Variants in GARIN3 observed in about 807,000 individuals in gnomAD.
GARIN3 encodes golgi associated RAB2 interactor family member 3, also known as Golgi-associated RAB2 interactor protein 3.
chr5:157,165,895 G>A, the GARIN3 span: 1 of 1,614,170 alleles, frequency 6.2e-7, no homozygotes, highest in Non-Finnish European at 8.5e-7. Context: ...ATTTTAGTTG[G>A]TTGGGCCAGA....
the GARIN3 span, chr5:157,163,619 C>T: frequency 6.2e-7 from 1 of 1,614,074 alleles, no homozygotes; most frequent in Non-Finnish European, 8.5e-7. Context: ...TTGTAGAGCC[C>T]AGTCTCACTC....
At chr5:157,163,024 C>T in the GARIN3 span, 3 of 1,614,260 alleles carry the variant, frequency 1.9e-6, no homozygotes, top group African/African-American at 1.3e-5. Flanking sequence ...AACTTTCTGG[C>T]TTCCATCTCG....
chr5:157,162,258 A>G, the GARIN3 span: 37 of 845,170 alleles, frequency 4.4e-5, no homozygotes, highest in Non-Finnish European at 6.5e-5. Context: ...CAGCTGTAGC[A>G]TAGCCACCAT....
chr5:157,163,778 G>A, the GARIN3 span: 67 of 1,341,414 alleles, frequency 5.0e-5, no homozygotes, highest in East Asian at 1.2e-4. Flanking sequence ...AACCTGGGTC[G>A]GGTGTGGTGG....
the GARIN3 span, chr5:157,163,075 G>A: frequency 6.2e-7 from 1 of 1,614,104 alleles, no homozygotes; most frequent in African/African-American, 1.3e-5. Context: ...GGAGATGAGG[G>A]GTCCCACTGC....
At chr5:157,162,298 G>T in the GARIN3 span, 2 of 1,225,432 alleles carry the variant, frequency 1.6e-6, no homozygotes, top group Non-Finnish European at 2.3e-6. Flanking sequence ...TCACCACCAG[G>T]CTATGGGCAG....
the GARIN3 span, chr5:157,165,510 A>G: frequency 6.5e-7 from 1 of 1,549,708 alleles, no homozygotes; most frequent in East Asian, 2.3e-5. Flanking sequence ...ACTGGCTTTG[A>G]ACTGCTCCCC....
At chr5:157,162,204 G>A in the GARIN3 span, 16 of 563,608 alleles carry the variant, frequency 2.8e-5, no homozygotes, top group African/African-American at 9.5e-5. Flanking sequence ...TCTGCTGGCC[G>A]TGGGCGGGTG....
chr5:157,165,204 C>T, the GARIN3 span, among the ~76,000 whole-genome samples: 1 of 152,222 alleles, frequency 6.6e-6, no homozygotes, highest in East Asian at 1.9e-4. Context: ...GCTACACCTA[C>T]ACCCCTTAAA....
chr5:157,162,796 C>T, the GARIN3 span: 11 of 1,614,094 alleles, frequency 6.8e-6, no homozygotes, highest in African/African-American at 1.5e-4. Context: ...ATGTCGCTTG[C>T]CCCTTACGTT....
the GARIN3 span, among the ~76,000 whole-genome samples, chr5:157,164,426 A>G: frequency 0.15 from 22,431 of 152,098 alleles, 1,991 homozygotes; most frequent in African/African-American, 0.24. Flanking sequence ...TGCTGGGTTA[A>G]CAAGCATGAG....
the GARIN3 span, chr5:157,163,505 T>G: frequency 6.2e-7 from 1 of 1,614,114 alleles, no homozygotes; most frequent in Non-Finnish European, 8.5e-7. Flanking sequence ...GCCCCTGGAG[T>G]GCTCGTGGAT....
At chr5:157,165,995 T>C in the GARIN3 span, 1 of 1,614,162 alleles carries the variant, frequency 6.2e-7, no homozygotes, top group Middle Eastern at 1.6e-4. Context: ...CAATCACCTC[T>C]CCCTTTTTGT....
At chr5:157,162,717 C>A in the GARIN3 span, 4 of 1,614,126 alleles carry the variant, frequency 2.5e-6, no homozygotes, top group Non-Finnish European at 3.4e-6. Context: ...ATTGGTTCTT[C>A]CCCAGTTCCT....
chr5:157,164,848 T>TAA, the GARIN3 span, among the ~76,000 whole-genome samples: 1,260 of 145,802 alleles, frequency 8.6e-3, 24 homozygotes, highest in African/African-American at 0.03. Context: ...TCATCTCCAC[T>TAA]AAAAAAAAAA....
At chr5:157,165,577 T>G in the GARIN3 span, 1 of 1,610,708 alleles carries the variant, frequency 6.2e-7, no homozygotes, top group Non-Finnish European at 8.5e-7. Context: ...AGGCTTTTGT[T>G]GTCTTCGGGT....
the GARIN3 span, chr5:157,162,090 C>T: frequency 1.1e-5 from 3 of 279,782 alleles, no homozygotes; most frequent in East Asian, 8.5e-5. Context: ...GGAGAATGGG[C>T]GAGGGGACAT....
the GARIN3 span, among the ~76,000 whole-genome samples, chr5:157,164,316 A>AT: frequency 6.6e-6 from 1 of 151,808 alleles, no homozygotes; most frequent in Non-Finnish European, 1.5e-5. Flanking sequence ...TACCTGGCTA[A>AT]TTTTTTTGTA....
chr5:157,162,589 T>C, the GARIN3 span: 1 of 1,614,202 alleles, frequency 6.2e-7, no homozygotes, highest in Non-Finnish European at 8.5e-7. Flanking sequence ...AGCCACGATA[T>C]CTACCTCTCT....
Sources: allele counts gnomAD v4.1 joint callset (sites outside exome capture counted in the v4.1 genomes callset), GRCh38; gene constraint gnomAD v4.1.1; transcripts MANE v1.5; gene names NCBI Gene and HGNC (gene_info 2026-07-23, HGNC 2026-07-21).